Variants in CBFA2T2 observed in about 807,000 individuals in gnomAD.
CBFA2T2 encodes protein CBFA2T2.
A neutral mutation model predicts 62.2 loss-of-function variants in CBFA2T2; 11 were observed. The observed-to-expected ratio is 0.18, with a 90% confidence interval of 0.11 to 0.29. The LOEUF (loss-of-function observed/expected upper bound fraction) is 0.29, where lower values mean the gene tolerates loss of function less well. CBFA2T2 is among the 10% of genes least tolerant of loss of function. The probability of loss-of-function intolerance (pLI) is 1.00; values close to 1 mark genes in which losing one functional copy is unlikely to be tolerated. For missense variants in CBFA2T2, 592 were observed against 774.1 expected, an observed-to-expected ratio of 0.76 and a Z score of 2.79; for synonymous variants, 295 against 287.5, an observed-to-expected ratio of 1.03 and a Z score of -0.27.
intron 9 of CBFA2T2, among the ~76,000 whole-genome samples, chr20:33,637,223 C>T (rs999787431): frequency 2.4e-4 from 36 of 152,204 alleles, no homozygotes; most frequent in African/African-American, 8.2e-4. Flanking sequence ...TTTGTAAGTT[C>T]AAGGATGAAC....
chr20:33,605,453 A>G (rs2015304572), intron 1 of CBFA2T2, among the ~76,000 whole-genome samples: 1 of 152,236 alleles, frequency 6.6e-6, no homozygotes, highest in Non-Finnish European at 1.5e-5. Context: ...TTATTAACTA[A>G]GTATGTAACA....
intron 1 of CBFA2T2, among the ~76,000 whole-genome samples, chr20:33,513,353 G>GT (rs899301949): frequency 1.0e-4 from 15 of 147,182 alleles, no homozygotes; most frequent in African/African-American, 3.0e-4. Flanking sequence ...GGGTTTTTTT[G>GT]TTTTTTTTTT....
chr20:33,573,990 T>G, intron 1 of CBFA2T2: 1 of 613,882 alleles, frequency 1.6e-6, no homozygotes, highest in Non-Finnish European at 2.5e-6. Context: ...GGTTTTGCCA[T>G]GTTGCCCAGG....
intron 1 of CBFA2T2, among the ~76,000 whole-genome samples, chr20:33,555,934 T>C (rs1400002914): frequency 6.6e-6 from 1 of 152,224 alleles, no homozygotes; most frequent in East Asian, 1.9e-4. Context: ...GGTGCAATAA[T>C]GGCTCACTGC....
intron 1 of CBFA2T2, among the ~76,000 whole-genome samples, chr20:33,577,348 T>G (rs1244795958): frequency 1.3e-5 from 2 of 152,208 alleles, no homozygotes; most frequent in Non-Finnish European, 2.9e-5. Flanking sequence ...CCAACATCTT[T>G]GAAATCTTGG....
At chr20:33,492,046 C>CT (rs979676130) in intron 1 of CBFA2T2, among the ~76,000 whole-genome samples, 1 of 152,004 alleles carries the variant, frequency 6.6e-6, no homozygotes, top group African/African-American at 2.4e-5. Context: ...CCACACCTGA[C>CT]TAATTTTTTG....
chr20:33,568,606 T>G (rs1360211824), intron 1 of CBFA2T2, among the ~76,000 whole-genome samples: 2 of 152,102 alleles, frequency 1.3e-5, no homozygotes, highest in African/African-American at 2.4e-5. Context: ...GTGCAGCCAT[T>G]GTTCTGGCTG....
intron 1 of CBFA2T2, among the ~76,000 whole-genome samples, chr20:33,573,407 A>G (rs557135116): frequency 6.6e-6 from 1 of 152,142 alleles, no homozygotes; most frequent in Non-Finnish European, 1.5e-5. Flanking sequence ...ATGCAAAGAG[A>G]TGATGGATGT....
chr20:33,643,142 G>T (rs974550435), intron 10 of CBFA2T2, among the ~76,000 whole-genome samples: 5 of 152,170 alleles, frequency 3.3e-5, no homozygotes, highest in Non-Finnish European at 5.9e-5. Context: ...GGTCTGGTGT[G>T]GGGGAGGAAG....
chr20:33,566,923 A>G (rs1329363215), intron 1 of CBFA2T2, among the ~76,000 whole-genome samples: 1 of 152,254 alleles, frequency 6.6e-6, no homozygotes, highest in East Asian at 1.9e-4. Flanking sequence ...ATGCATGCAT[A>G]GCCGTCTTTT....
intron 1 of CBFA2T2, among the ~76,000 whole-genome samples, chr20:33,525,243 T>C (rs949470141): frequency 6.6e-6 from 1 of 151,194 alleles, no homozygotes; most frequent in Non-Finnish European, 1.5e-5. Context: ...TGGAGTGCAA[T>C]GGCACAATCT....
chr20:33,599,962 A>G (rs2015048808), intron 1 of CBFA2T2, among the ~76,000 whole-genome samples: 1 of 152,146 alleles, frequency 6.6e-6, no homozygotes, highest in African/African-American at 2.4e-5. Flanking sequence ...CATTATAAAC[A>G]GTTGTTTCTG....
intron 1 of CBFA2T2, among the ~76,000 whole-genome samples, chr20:33,502,876 G>A (rs1360610392): frequency 2.0e-5 from 3 of 150,204 alleles, no homozygotes; most frequent in African/African-American, 4.9e-5. Context: ...GGATCACGAG[G>A]TCAGGAGATC....
At chr20:33,529,186 C>T (rs748418266) in intron 1 of CBFA2T2, among the ~76,000 whole-genome samples, 11 of 151,998 alleles carry the variant, frequency 7.2e-5, no homozygotes, top group African/African-American at 2.2e-4. Flanking sequence ...CCACCATGCC[C>T]GGCTAATTTT....
chr20:33,551,273 A>G (rs1008489265), intron 1 of CBFA2T2, among the ~76,000 whole-genome samples: 5 of 150,744 alleles, frequency 3.3e-5, no homozygotes, highest in African/African-American at 1.2e-4. Context: ...CTGGAGTGCA[A>G]TGGCGTAATC....
Position 33,587,256 on chromosome 20 carries a change from T to TTTTTG in CBFA2T2, c.35-19674_35-19670dup, listed in dbSNP as rs61203194. Among the ~76,000 whole-genome samples, 124 of 150,090 alleles carry TTTTTG rather than the reference T, an allele frequency of 8.3e-4. 1 individual carries two copies. Among genetic ancestry groups the TTTTTG allele is most frequent in the Middle Eastern group, 3.5e-3 (1 of 284 alleles). On this transcript the variant is annotated intron_variant, in intron 1 of 10. Transcript: ENST00000342704. ...ACGGCACCCAGGTTTGTTTTTTATT[T>TTTTTG]TTTTGTTTTGTTTTGTTTTGTTTTG...
chr20:33,502,565 G>C (rs541664553), intron 1 of CBFA2T2, among the ~76,000 whole-genome samples: 4 of 151,452 alleles, frequency 2.6e-5, no homozygotes, highest in Admixed American at 6.6e-5. Flanking sequence ...CAACACACCC[G>C]GCTAATTTTT....
chr20:33,623,150 C>T lies in CBFA2T2; in HGVS notation c.546C>T (p.His182=), dbSNP rs758323913. ...NLPLLQRELL[H]CARAAKQTPS... is the part of the protein sequence containing the mutation. Reference sequence around the variant, plus strand: ...CCCTGCTGCAGCGGGAACTGCTGCACTGCGCTCGGGCGGCCAAGCAGACCC... The same window carrying T: ...CCCTGCTGCAGCGGGAACTGCTGCATTGCGCTCGGGCGGCCAAGCAGACCC... Residue 182 remains histidine, a synonymous_variant, in exon 5 of 11, where the codon CAC becomes CAT. Transcript: ENST00000342704. The T allele has an allele frequency of 6.2e-6, 10 of 1,614,262 alleles. No homozygotes were observed. The highest frequency in any genetic ancestry group is 1.1e-5 in the South Asian group (1 of 91,090).
chr20:33,634,670 CAAAAAAAAAAAAAAAA>C (rs758089440), intron 8 of CBFA2T2, among the ~76,000 whole-genome samples: 14 of 47,876 alleles, frequency 2.9e-4, no homozygotes, highest in Non-Finnish European at 6.7e-4. Flanking sequence ...ACCCTATGTC[CAAAAAAAAAAAAAAAA>C]AAAAAAAAAA....
Sources: gnomAD v4.1 joint callset for allele counts (sites outside exome capture counted in the v4.1 genomes callset) on GRCh38, gnomAD v4.1.1 for gene constraint, MANE v1.5 for transcripts, NCBI Gene and HGNC (gene_info 2026-07-23, HGNC 2026-07-21) for gene names.